The following FDX1 variants were observed in gnomAD, a reference collection of about 807,000 sequenced individuals.
FDX1 encodes adrenodoxin, mitochondrial.
FDX1 carries 9 observed loss-of-function variants against 14.9 expected under a neutral mutation model. That is an observed-to-expected ratio of 0.60 (90% CI 0.36 to 1.05). The LOEUF is 1.05. FDX1 is among the 50% of genes least tolerant of loss of function. FDX1 has a pLI of 0.01. For missense variants in FDX1, 204 were observed against 237.2 expected (o/e 0.86, Z 0.92); for synonymous variants, 92 against 99.4 (o/e 0.93, Z 0.44).
intron 2 of FDX1, among the ~76,000 whole-genome samples, chr11:110,439,289 C>T (rs1490080827): frequency 6.6e-6 from 1 of 151,970 alleles, no homozygotes; most frequent in East Asian, 1.9e-4. Context: ...CTCACTGCAC[C>T]CTTCACCTCC....
intron 2 of FDX1, among the ~76,000 whole-genome samples, chr11:110,452,383 A>G (rs866241999): frequency 6.6e-6 from 1 of 152,138 alleles, no homozygotes; most frequent in Non-Finnish European, 1.5e-5. Context: ...AAGCTCTCCA[A>G]ACTTAACAGT....
Position 110,456,906 on chromosome 11 carries a change from T to G in FDX1, c.311-12T>G. ...AGAAGGGACTATGTTCAGTGTTTGTTGCTTTTGTCAGGTGCATGTGAGGGA... is the reference window on the plus strand; with the variant it reads ...AGAAGGGACTATGTTCAGTGTTTGTGGCTTTTGTCAGGTGCATGTGAGGGA... On this transcript the variant is annotated splice_polypyrimidine_tract_variant and intron_variant, in intron 2 of 3. Coordinates refer to ENST00000260270, the MANE Select transcript of FDX1 (RefSeq NM_004109.5). 1 of 1,607,578 alleles carries G rather than the reference T, an allele frequency of 6.2e-7. No individual in the cohort carries two copies. Among genetic ancestry groups the G allele is most frequent in the South Asian group, 1.1e-5 (1 of 90,188 alleles).
At position 110,457,038 on chromosome 11, in the gene FDX1, T is replaced by C. The variant is rs771660409; in HGVS notation, c.431T>C (p.Leu144Pro). The part of the protein sequence containing the change: ...ENDMLDLAYG[L>P]TDRSRLGCQI... ...GACATGCTCGATCTGGCATATGGACTAACAGACAGGTAAGATTTTTGGACT... is the reference window on the plus strand; with the variant it reads ...GACATGCTCGATCTGGCATATGGACCAACAGACAGGTAAGATTTTTGGACT... The change falls in exon 3 of 4, where the codon CTA becomes CCA. Residue 144 changes from leucine (L) to proline (P), a missense_variant. Transcript: ENST00000260270. The C allele has an allele frequency of 6.2e-7, 1 of 1,610,278 alleles. No individual in the cohort carries two copies. The highest frequency in any genetic ancestry group is 1.1e-5 in the South Asian group (1 of 90,554).
intron 1 of FDX1, among the ~76,000 whole-genome samples, chr11:110,433,928 G>A (rs943684864): frequency 1.3e-5 from 2 of 152,168 alleles, no homozygotes; most frequent in African/African-American, 4.8e-5. Context: ...TTTACTTAAA[G>A]ATTTGTTTGA....
Position 110,444,644 on chromosome 11 carries a change from GTGTGTGT to G in FDX1, c.310+8687_310+8693del, listed in dbSNP as rs1946426820. 3.4e-5 allele frequency among the ~76,000 whole-genome samples: 3 copies of G among 87,770 alleles called. 1 individual carries two copies. In the Admixed American group the frequency reaches 4.6e-4, roughly 13 times the overall value. 57.6% of individuals were successfully genotyped at this position (87,770 alleles called of 152,430 possible). A position where few individuals can be genotyped will look rare whatever the true frequency, so the allele number is the denominator to read the frequency against. On this transcript the variant is annotated intron_variant, in intron 2 of 3. Coordinates refer to ENST00000260270, the MANE Select transcript of FDX1 (RefSeq NM_004109.5). ...AAAAAGAAAATATATGTGTGTGTGT[GTGTGTGT>G]ATATATATATATACGTATATATATA...
intron 1 of FDX1, among the ~76,000 whole-genome samples, chr11:110,431,063 G>C (rs925454300): frequency 1.3e-5 from 2 of 152,152 alleles, no homozygotes; most frequent in Non-Finnish European, 2.9e-5. Flanking sequence ...GTAGTCTTGT[G>C]CCTAGCACGT....
At chr11:110,457,263 A>G (rs538937175) in intron 3 of FDX1, among the ~76,000 whole-genome samples, 8 of 152,232 alleles carry the variant, frequency 5.3e-5, no homozygotes, top group Non-Finnish European at 8.8e-5. Context: ...AAAAAAATTA[A>G]TTGGAAGTAT....
chr11:110,451,465 T>C (rs565447075), intron 2 of FDX1, among the ~76,000 whole-genome samples: 2 of 152,264 alleles, frequency 1.3e-5, no homozygotes, highest in South Asian at 2.1e-4. Context: ...CAGAGAAATA[T>C]GAACACTTTT....
intron 1 of FDX1, among the ~76,000 whole-genome samples, chr11:110,434,724 TG>T (rs370101449): frequency 4.4e-5 from 5 of 114,530 alleles, no homozygotes; most frequent in Admixed American, 2.9e-4. Context: ...TGACTTTTTT[TG>T]TTTTTTTTTT....
At chr11:110,440,945 A>G (rs1050733151) in intron 2 of FDX1, among the ~76,000 whole-genome samples, 7 of 152,168 alleles carry the variant, frequency 4.6e-5, no homozygotes, top group Non-Finnish European at 7.4e-5. Context: ...CCCACCTGTT[A>G]TAGGAGGGAC....
chr11:110,437,727 A>T (rs1189261966), intron 2 of FDX1, among the ~76,000 whole-genome samples: 1 of 152,220 alleles, frequency 6.6e-6, no homozygotes, highest in Non-Finnish European at 1.5e-5. Context: ...AGTCTGGAGT[A>T]TGAGTGATCC....
At chr11:110,432,090 T>A (rs1946335611) in intron 1 of FDX1, among the ~76,000 whole-genome samples, 1 of 152,202 alleles carries the variant, frequency 6.6e-6, no homozygotes, top group South Asian at 2.1e-4. Flanking sequence ...TAGAACATCT[T>A]TGTTATGGCA....
chr11:110,453,518 G>C (rs184600982), intron 2 of FDX1, among the ~76,000 whole-genome samples: 1 of 148,914 alleles, frequency 6.7e-6, no homozygotes, highest in Non-Finnish European at 1.5e-5. Context: ...TACAGTTTTA[G>C]GCTCTTTTTT....
intron 3 of FDX1, among the ~76,000 whole-genome samples, chr11:110,460,229 T>C (rs1301065255): frequency 6.6e-6 from 1 of 152,154 alleles, no homozygotes; most frequent in Non-Finnish European, 1.5e-5. Flanking sequence ...TTTTTTCTAT[T>C]AGTAATCAGT....
Position 110,435,932 on chromosome 11 carries a change from A to C in FDX1, c.284A>C (p.Glu95Ala). ...GATTCTCTGCTAGATGTTGTGGTTG[A>C]AAATAATCTAGATATTGATGGCTTT... ...VGDSLLDVVVENNLDIDGFGA... is the reference protein window; with the variant it reads ...VGDSLLDVVVANNLDIDGFGA... The change falls in exon 2 of 4, where the codon GAA (glutamate) becomes GCA (alanine). Residue 95 changes from glutamate (E) to alanine (A), a missense_variant. Glu to Ala is a moderately radical substitution (Grantham distance 107). Transcript: ENST00000260270. 6.2e-7 allele frequency: 1 copy of C among 1,612,506 alleles called. No homozygotes were observed. Among genetic ancestry groups the C allele is most frequent in the Non-Finnish European group, 8.5e-7 (1 of 1,179,274 alleles).
At chr11:110,456,834 C>T in intron 2 of FDX1, 84 bp from the exon 3 acceptor site, 1 of 1,433,090 alleles carries the variant, frequency 7.0e-7, no homozygotes, top group Non-Finnish European at 9.4e-7. Flanking sequence ...AATGCTGATT[C>T]TAACATTTAG....
chr11:110,453,532 C>T (rs1450717876), intron 2 of FDX1, among the ~76,000 whole-genome samples: 2 of 149,886 alleles, frequency 1.3e-5, no homozygotes, highest in Admixed American at 1.3e-4. Flanking sequence ...CTTTTTTATA[C>T]CCAAATATTT....
At chr11:110,458,369 G>T (rs1021743073) in intron 3 of FDX1, among the ~76,000 whole-genome samples, 1 of 152,140 alleles carries the variant, frequency 6.6e-6, no homozygotes, top group South Asian at 2.1e-4. Flanking sequence ...TAAGTACACA[G>T]CATTTTAGTA....
intron 3 of FDX1, among the ~76,000 whole-genome samples, chr11:110,459,006 T>G (rs1009063887): frequency 7.9e-5 from 12 of 152,192 alleles, no homozygotes; most frequent in African/African-American, 2.4e-4. Context: ...CTATCTCCCT[T>G]TTCCCATTAA....
Sources: gnomAD v4.1 joint callset for allele counts (sites outside exome capture counted in the v4.1 genomes callset) on GRCh38, gnomAD v4.1.1 for gene constraint, MANE v1.5 for transcripts, NCBI Gene and HGNC (gene_info 2026-07-23, HGNC 2026-07-21) for gene names.